Variants in WASHC5 observed in about 807,000 individuals in gnomAD.
WASHC5 encodes WASH complex subunit strumpellin.
In WASHC5, 101 loss-of-function variants were observed where a neutral mutation model predicts 150.4. The ratio of observed to expected loss-of-function variants is 0.67; its 90% CI spans 0.57 to 0.79. The LOEUF is 0.79. Ranked by LOEUF, WASHC5 falls within the 30% of genes least tolerant of loss-of-function variation. The probability of loss-of-function intolerance (pLI) is 0.00; values close to 1 mark genes in which losing one functional copy is unlikely to be tolerated. For missense variants in WASHC5, 1,195 were observed against 1,396.3 expected (o/e 0.86, Z 2.30); for synonymous variants, 467 against 491.2 (o/e 0.95, Z 0.65).
chr8:125,069,862 T>C (rs996760343), intron 9 of WASHC5, among the ~76,000 whole-genome samples: 4 of 152,238 alleles, frequency 2.6e-5, no homozygotes, highest in African/African-American at 9.6e-5. Flanking sequence ...GTCTTTATAC[T>C]AATTTTAATT....
Position 125,075,094 on chromosome 8 carries a change from C to A in WASHC5, c.882G>T (p.Met294Ile). The stretch of plus-strand genomic sequence containing the variant: ...CATCTACTAGATTAACTGTGATCCC[C>A]ATGTAAATACTAATTACCTGAAAGA... ...FPDNWVISIY[M>I]GITVNLVDAW... The change falls in exon 8 of 29, where the codon ATG becomes ATT. Residue 294 changes from methionine (M) to isoleucine (I), a missense_variant. Met to Ile is a conservative substitution (Grantham distance 10). This residue lies in a region of WASHC5 where 997 missense variants were observed against 1,168.1 expected (regional missense o/e 0.85). Transcript: ENST00000318410. 3 of 1,601,652 alleles carry A rather than the reference C, an allele frequency of 1.9e-6. No homozygotes were observed. In the South Asian group the frequency reaches 3.3e-5, roughly 18 times the overall value.
intron 14 of WASHC5, among the ~76,000 whole-genome samples, chr8:125,058,928 A>G (rs1329351205): frequency 6.6e-6 from 1 of 152,170 alleles, no homozygotes; most frequent in African/African-American, 2.4e-5. Flanking sequence ...GGAATAAAGG[A>G]CACAAAGGAC....
chr8:125,038,899 T>C lies in WASHC5; in HGVS notation c.3015A>G (p.Glu1005=). The C allele has an allele frequency of 6.2e-7, 1 of 1,614,148 alleles. No homozygotes were observed. ...YQDPSLPYPK[E]DNTLLYEITA... is the part of the protein sequence containing the mutation. Reference sequence around the variant, plus strand: ...TGATTTCATATAAAAGTGTGTTATCTTCTTTGGGGTAAGGAAGTGAAGGGT... The same window carrying C: ...TGATTTCATATAAAAGTGTGTTATCCTCTTTGGGGTAAGGAAGTGAAGGGT... The change falls in exon 25 of 29, where the codon GAA becomes GAG. Residue 1005 remains glutamate, a synonymous_variant. Transcript: ENST00000318410.
chr8:125,074,781 T>C (rs1817004062), intron 8 of WASHC5, among the ~76,000 whole-genome samples: 1 of 152,222 alleles, frequency 6.6e-6, no homozygotes, highest in South Asian at 2.1e-4. Context: ...GTACTGACTC[T>C]TCCTTGGGAT....
At chr8:125,065,789 G>T (rs569967106) in intron 10 of WASHC5, among the ~76,000 whole-genome samples, 1 of 151,980 alleles carries the variant, frequency 6.6e-6, no homozygotes, top group Non-Finnish European at 1.5e-5. Context: ...GCTAATTTTT[G>T]TATTTTTAGT....
chr8:125,032,635 T>C, intron 26 of WASHC5: 1 of 531,430 alleles, frequency 1.9e-6, no homozygotes, highest in Non-Finnish European at 3.4e-6. Flanking sequence ...TTATCATTAC[T>C]GGTTCTTTTG....
At chr8:125,072,350 AGTG>A (rs1369965004) in intron 9 of WASHC5, among the ~76,000 whole-genome samples, 2 of 13,000 alleles carry the variant, frequency 1.5e-4, no homozygotes, top group Admixed American at 1.1e-3. Context: ...AAAAAAAAAA[AGTG>A]GGGGGGGGGG....
At chr8:125,031,046 A>G (rs1201744484) in intron 27 of WASHC5, among the ~76,000 whole-genome samples, 1 of 152,200 alleles carries the variant, frequency 6.6e-6, no homozygotes, top group Non-Finnish European at 1.5e-5. Flanking sequence ...AATAATCACA[A>G]TCAGGAACTT....
chr8:125,071,261 A>G (rs1816888454), intron 9 of WASHC5, among the ~76,000 whole-genome samples: 1 of 152,188 alleles, frequency 6.6e-6, no homozygotes, highest in Non-Finnish European at 1.5e-5. Context: ...ACGAAGAATA[A>G]GAAACTGTGC....
intron 28 of WASHC5, among the ~76,000 whole-genome samples, chr8:125,026,271 C>CT (rs1394247719): frequency 2.0e-4 from 30 of 152,118 alleles, no homozygotes; most frequent in Non-Finnish European, 3.7e-4. Context: ...CCTTCCCCTG[C>CT]TTTTTTTCTA....
At chr8:125,088,410 G>A (rs1456456255) in intron 1 of WASHC5, among the ~76,000 whole-genome samples, 1 of 141,334 alleles carries the variant, frequency 7.1e-6, no homozygotes, top group Admixed American at 7.2e-5. Context: ...GGGTGACAGA[G>A]TGAGACTTCA....
intron 17 of WASHC5, among the ~76,000 whole-genome samples, chr8:125,052,951 C>G (rs550580618): frequency 6.6e-6 from 1 of 152,234 alleles, no homozygotes; most frequent in East Asian, 1.9e-4. Flanking sequence ...TTACATTAGC[C>G]TACAGTTGGG....
chr8:125,061,026 G>A, intron 12 of WASHC5, 56 bp downstream of exon 12: 1 of 898,724 alleles, frequency 1.1e-6, no homozygotes, highest in South Asian at 1.3e-5. Flanking sequence ...CTGCTGGGTG[G>A]GTCATAAGGT....
intron 16 of WASHC5, 80 bp downstream of exon 16, chr8:125,056,597 T>C (rs1386941042): frequency 2.9e-5 from 44 of 1,522,810 alleles, no homozygotes; most frequent in Middle Eastern, 3.5e-4. Context: ...CCCCAGAATA[T>C]GGCAGGTGAC....
At chr8:125,058,475 G>C (rs1350338394) in intron 14 of WASHC5, among the ~76,000 whole-genome samples, 1 of 151,934 alleles carries the variant, frequency 6.6e-6, no homozygotes, top group Non-Finnish European at 1.5e-5. Flanking sequence ...GGCTGGGCGT[G>C]GGGGCTCACA....
At chr8:125,056,522 C>T (rs1428716242) in intron 16 of WASHC5, among the ~76,000 whole-genome samples, 155 bp downstream of exon 16, 3 of 152,084 alleles carry the variant, frequency 2.0e-5, no homozygotes, top group Non-Finnish European at 4.4e-5. Flanking sequence ...TGTGATTGTA[C>T]TAAAATCATA....
Position 125,078,811 on chromosome 8 carries a change from T to C in WASHC5, c.638A>G (p.Gln213Arg). 1.9e-6 allele frequency: 3 copies of C among 1,614,060 alleles called. No individual in the cohort carries two copies. The highest frequency in any genetic ancestry group is 2.5e-6 in the Non-Finnish European group (3 of 1,179,954). The change falls in exon 6 of 29, where the codon CAG (glutamine) becomes CGG (arginine). Residue 213 changes from glutamine to arginine, a missense_variant. Physicochemically the swap from Gln to Arg is conservative, Grantham distance 43. Around this residue, in one of 3 missense-constraint regions of WASHC5, gnomAD observed 997 missense variants for 1,168.1 expected, o/e 0.85. Coordinates refer to ENST00000318410, the MANE Select transcript of WASHC5 (RefSeq NM_014846.4). ...RPSNYPESYF[Q>R]RVPINESFIS... ...GAAGGATTCGTTGATAGGCACTCTC[T>C]GGAAATAGCTCTCGGGATAGTTGGA...
At chr8:125,047,899 T>C (rs923847684) in intron 19 of WASHC5, among the ~76,000 whole-genome samples, 4 of 152,044 alleles carry the variant, frequency 2.6e-5, no homozygotes, top group African/African-American at 9.7e-5. Context: ...CAGGCTGGAG[T>C]GCCGTGGTGT....
Position 125,049,240 on chromosome 8 carries a change from C to T in WASHC5, c.2200-55G>A, listed in dbSNP as rs879455414. 1.3e-5 allele frequency: 20 copies of T among 1,568,446 alleles called. No individual in the cohort carries two copies. In the South Asian group the frequency reaches 1.4e-4, roughly 11 times the overall value. On this transcript the variant is annotated intron_variant, in intron 18 of 28. Coordinates refer to ENST00000318410, the MANE Select transcript of WASHC5 (RefSeq NM_014846.4). ...ACACTGGAGTAGATTGTCAACTATT[C>T]GTTCTAATATCTAACTAGACTTTAA...
Sources: allele counts gnomAD v4.1 joint callset (sites outside exome capture counted in the v4.1 genomes callset), GRCh38; gene constraint gnomAD v4.1.1; regional missense constraint gnomAD v4.1.1; transcripts MANE v1.5; gene names NCBI Gene and HGNC (gene_info 2026-07-23, HGNC 2026-07-21).